The following SPOCK3 variants were observed in gnomAD, a reference collection of about 807,000 sequenced individuals.
SPOCK3 encodes testican-3.
SPOCK3 carries 30 observed loss-of-function variants against 56.6 expected under a neutral mutation model. That is an observed-to-expected ratio of 0.53 (90% CI 0.40 to 0.72). The LOEUF (loss-of-function observed/expected upper bound fraction) is 0.72. SPOCK3 is among the 30% of genes least tolerant of loss of function. The probability of loss-of-function intolerance (pLI) is 0.00; values close to 1 mark genes in which losing one functional copy is unlikely to be tolerated. For missense variants in SPOCK3, 527 were observed against 530.0 expected (o/e 0.99, Z 0.06); for synonymous variants, 196 against 183.3 (o/e 1.07, Z -0.56).
At chr4:167,075,047 G>A (rs1757046170) in intron 2 of SPOCK3, among the ~76,000 whole-genome samples, 3 of 151,812 alleles carry the variant, frequency 2.0e-5, no homozygotes, top group South Asian at 4.1e-4. Flanking sequence ...ATAAGTTACT[G>A]TTAACTAAAG....
chr4:167,194,785 C>T (rs1486923854), intron 2 of SPOCK3, among the ~76,000 whole-genome samples: 1 of 152,148 alleles, frequency 6.6e-6, no homozygotes, highest in Non-Finnish European at 1.5e-5. Context: ...GGACCTTGGC[C>T]AGTAGGGCTA....
chr4:167,209,068 C>T (rs1734618323), intron 2 of SPOCK3, among the ~76,000 whole-genome samples: 2 of 152,072 alleles, frequency 1.3e-5, no homozygotes, highest in Non-Finnish European at 2.9e-5. Flanking sequence ...TGCTGTACAA[C>T]AATCACAACT....
At chr4:166,792,126 T>G (rs1303692348) in intron 7 of SPOCK3, 44 bp downstream of exon 7, 2 of 1,611,100 alleles carry the variant, frequency 1.2e-6, no homozygotes, top group South Asian at 1.1e-5. Context: ...GAAATAAAAC[T>G]TCATAACAGA....
intron 2 of SPOCK3, among the ~76,000 whole-genome samples, chr4:167,084,537 G>T (rs1427847237): frequency 6.6e-6 from 1 of 152,092 alleles, no homozygotes; most frequent in East Asian, 1.9e-4. Context: ...AGCTGCTTTT[G>T]CAACAGCCCT....
chr4:166,832,795 G>A (rs1746214901), intron 6 of SPOCK3, among the ~76,000 whole-genome samples: 2 of 152,132 alleles, frequency 1.3e-5, no homozygotes, highest in South Asian at 4.1e-4. Flanking sequence ...GCAAATTAAT[G>A]CAGGAACAGA....
intron 5 of SPOCK3, among the ~76,000 whole-genome samples, chr4:166,901,220 A>AC (rs1220445137): frequency 7.9e-5 from 12 of 151,944 alleles, no homozygotes; most frequent in South Asian, 2.1e-4. Flanking sequence ...TGCTAGAAAA[A>AC]CCAAGACAAA....
intron 2 of SPOCK3, among the ~76,000 whole-genome samples, chr4:167,135,110 T>C (rs1053806463): frequency 1.1e-4 from 16 of 150,022 alleles, no homozygotes; most frequent in Admixed American, 6.0e-4. Context: ...ATATATTAAA[T>C]ATTACATCAA....
At chr4:167,205,335 TATATA>T (rs1734032608) in intron 2 of SPOCK3, among the ~76,000 whole-genome samples, 3 of 42,782 alleles carry the variant, frequency 7.0e-5, no homozygotes, top group Admixed American at 4.8e-4. Context: ...TAATATATAT[TATATA>T]TTATATATAT....
chr4:167,044,027 T>C (rs1753483590), intron 3 of SPOCK3, among the ~76,000 whole-genome samples: 1 of 152,026 alleles, frequency 6.6e-6, no homozygotes, highest in Non-Finnish European at 1.5e-5. Flanking sequence ...GTTTTATTCT[T>C]CTTTAAAGGT....
chr4:166,921,019 T>C (rs1738423011), intron 4 of SPOCK3, among the ~76,000 whole-genome samples: 1 of 152,158 alleles, frequency 6.6e-6, no homozygotes, highest in African/African-American at 2.4e-5. Context: ...ATCATTGCCT[T>C]TCTCCTAGCT....
At chr4:166,843,522 C>T (rs755260831) in intron 6 of SPOCK3, among the ~76,000 whole-genome samples, 1 of 152,162 alleles carries the variant, frequency 6.6e-6, no homozygotes, top group Non-Finnish European at 1.5e-5. Flanking sequence ...CAAAAATTAT[C>T]TTACTCGTCT....
At chr4:167,078,766 T>A (rs956656689) in intron 2 of SPOCK3, among the ~76,000 whole-genome samples, 3 of 151,828 alleles carry the variant, frequency 2.0e-5, no homozygotes, top group African/African-American at 4.8e-5. Flanking sequence ...AATTTCCAAG[T>A]GCAAGTAGCA....
At chr4:167,053,671 T>C (rs780684470) in intron 3 of SPOCK3, among the ~76,000 whole-genome samples, 2 of 151,494 alleles carry the variant, frequency 1.3e-5, no homozygotes, top group Admixed American at 6.6e-5. Flanking sequence ...GGCGACAGAG[T>C]GAGACTCCAT....
At chr4:167,195,921 G>A (rs564658078) in intron 2 of SPOCK3, among the ~76,000 whole-genome samples, 1 of 152,108 alleles carries the variant, frequency 6.6e-6, no homozygotes, top group Non-Finnish European at 1.5e-5. Flanking sequence ...ACTATTGCTG[G>A]GGGAAATACC....
At chr4:167,157,786 G>A (rs985009923) in intron 2 of SPOCK3, among the ~76,000 whole-genome samples, 9 of 151,406 alleles carry the variant, frequency 5.9e-5, no homozygotes, top group African/African-American at 1.7e-4. Flanking sequence ...ACCCCCAAAC[G>A]TAGTTTTGGT....
rs1748593284 is a variant in SPOCK3 at position 166,998,255 on chromosome 4, T to C, written c.350+2094A>G. ...GACTAAATACTATTTACATAAAACA[T>C]TTTGAAATTCACCCACTAAAAGCAT... On this transcript the variant is annotated intron_variant, in intron 4 of 10. Transcript: ENST00000357545. Among the ~76,000 whole-genome samples, 3 of 152,194 alleles carry C rather than the reference T, an allele frequency of 2.0e-5. 1 individual carries two copies. In the South Asian group the frequency reaches 6.2e-4, roughly 32 times the overall value.
At chr4:166,890,627 T>C (rs575648636) in intron 5 of SPOCK3, among the ~76,000 whole-genome samples, 1 of 152,108 alleles carries the variant, frequency 6.6e-6, no homozygotes, top group South Asian at 2.1e-4. Context: ...ATTTCTAGAA[T>C]AATATTTTAT....
At chr4:166,994,519 T>C (rs570385927) in intron 4 of SPOCK3, among the ~76,000 whole-genome samples, 2 of 152,190 alleles carry the variant, frequency 1.3e-5, no homozygotes, top group African/African-American at 4.8e-5. Flanking sequence ...GGGAGAAAAC[T>C]ACAGAGGAGG....
intron 2 of SPOCK3, among the ~76,000 whole-genome samples, chr4:167,227,243 A>T (rs539755749): frequency 1.2e-4 from 19 of 152,262 alleles, no homozygotes; most frequent in Non-Finnish European, 2.4e-4. Context: ...TAGACACGGC[A>T]TTTCTATTTT....
Sources: gnomAD v4.1 joint callset for allele counts (sites outside exome capture counted in the v4.1 genomes callset) on GRCh38, gnomAD v4.1.1 for gene constraint, MANE v1.5 for transcripts, NCBI Gene and HGNC (gene_info 2026-07-23, HGNC 2026-07-21) for gene names.